Variants in PLCB2 observed in about 807,000 individuals in gnomAD.
PLCB2 encodes the protein 1-phosphatidylinositol 4,5-bisphosphate phosphodiesterase beta-2.
A neutral mutation model predicts 141.7 loss-of-function variants in PLCB2; 115 were observed. That is an observed-to-expected ratio of 0.81 (90% confidence interval 0.70 to 0.95). The LOEUF (loss-of-function observed/expected upper bound fraction) is 0.95. Among genes scored for constraint, PLCB2 ranks in the 40% least tolerant of loss-of-function variants. The pLI is 0.00. For missense variants in PLCB2, 1,403 were observed against 1,541.1 expected, an observed-to-expected ratio of 0.91 and a Z score of 1.50; for synonymous variants, 603 against 595.6, an observed-to-expected ratio of 1.01 and a Z score of -0.18.
At position 40,292,906 on chromosome 15, in the gene PLCB2, T is replaced by G; in HGVS notation, c.2326+20A>C. The G allele has an allele frequency of 6.7e-7, 1 of 1,495,702 alleles. No homozygotes were observed. Among genetic ancestry groups the G allele is most frequent in the Non-Finnish European group, 9.2e-7 (1 of 1,084,708 alleles). 92.7% of individuals were successfully genotyped at this position (1,495,702 alleles called of 1,614,324 possible). On this transcript the variant is annotated intron_variant, in intron 21 of 31. Coordinates refer to ENST00000260402, the MANE Select transcript of PLCB2 (RefSeq NM_004573.3). ...GCTCCTGCTGCTGATCTTGGAACAG[T>G]GAAGGACCCCACTCCTTACCAGAAT...
rs993739293 is a variant in PLCB2, at chr15:40,296,819, G to T, written c.1413C>A (p.Thr471=). Residue 471 remains threonine, a synonymous_variant, in exon 14 of 32, where the codon ACC becomes ACA. Coordinates refer to ENST00000260402, the MANE Select transcript of PLCB2 (RefSeq NM_004573.3). ...KNKKNQFSGP[T]SSSKDTGGEA... is the part of the protein sequence containing the mutation. The stretch of plus-strand genomic sequence containing the variant: ...CCCCACCAGTATCCTTACTGGAGGA[G>T]GTGGGGCCAGAAAACTGGTTCTTCT... 6.8e-6 allele frequency: 11 copies of T among 1,614,030 alleles called. No homozygotes were observed. The Admixed American group carries it at 1.5e-4, about 22-fold the overall frequency.
chr15:40,290,446 G>T (rs936210), intron 29 of PLCB2, 131 bp downstream of exon 29: 735,428 of 737,746 alleles, frequency 1, 366,592 homozygotes, highest in East Asian at 1. Context: ...AGGTGACAGG[G>T]GGGATCCGCT....
rs536253032 is a variant in PLCB2 at position 40,299,471 on chromosome 15, G to A, written c.583-243C>T. 2.6e-4 allele frequency among the ~76,000 whole-genome samples: 39 copies of A among 152,276 alleles called. No individual in the cohort carries two copies. The South Asian group carries it at 5.0e-3, about 19-fold the overall frequency. ...CTATTCCATTGGCTGGGGCAGGATC[G>A]GAACTAAGAATAACCAGAATGAGGT... On this transcript the variant is annotated intron_variant, in intron 7 of 31. Coordinates refer to ENST00000260402, the MANE Select transcript of PLCB2 (RefSeq NM_004573.3).
chr15:40,303,644 G>T (rs1330732968), intron 2 of PLCB2, among the ~76,000 whole-genome samples: 10 of 152,086 alleles, frequency 6.6e-5, no homozygotes, highest in Non-Finnish European at 1.5e-5. Context: ...ACCCTTCCCA[G>T]CTTCCCCTTC....
At chr15:40,305,467 G>A (rs1227947967) in intron 1 of PLCB2, among the ~76,000 whole-genome samples, 5 of 152,154 alleles carry the variant, frequency 3.3e-5, no homozygotes, top group Admixed American at 2.6e-4. Flanking sequence ...GGCAGAGCAG[G>A]GGGTGCTGGC....
At chr15:40,306,700 C>T (rs1203534310) in intron 1 of PLCB2, among the ~76,000 whole-genome samples, 3 of 152,206 alleles carry the variant, frequency 2.0e-5, no homozygotes, top group Admixed American at 6.5e-5. Flanking sequence ...CACCTCCCAT[C>T]AGGTGGACAA....
At chr15:40,291,710 C>T in intron 24 of PLCB2, 60 bp from the exon 25 acceptor site, 1 of 1,606,344 alleles carries the variant, frequency 6.2e-7, no homozygotes, top group Non-Finnish European at 8.5e-7. Context: ...CTCCGTTCGC[C>T]TCCTCCACAC....
chr15:40,289,958 AGAGAGAGAGAGTGTGT>A (rs1464457621), intron 30 of PLCB2, 51 bp downstream of exon 30: 16 of 669,466 alleles, frequency 2.4e-5, no homozygotes, highest in Admixed American at 4.3e-5. Context: ...AGAGAGAGAG[AGAGAGAGAGAGTGTGT>A]GTGTGTGTGT....
At position 40,297,448 on chromosome 15, in the gene PLCB2, C is replaced by T; in HGVS notation, c.1323+73G>A. The stretch of plus-strand genomic sequence containing the variant: ...AGCATCCTCTGGGAGTGTCTCCCTC[C>T]CTAACCTGGTTCTCACCCTGCCCCA... On this transcript the variant is annotated intron_variant, in intron 13 of 31. Transcript: ENST00000260402. The surrounding 1 kb of genome is among the most constrained non-coding windows in gnomAD (Gnocchi z 4.2). The T allele has an allele frequency of 8.7e-7, 1 of 1,150,440 alleles. No homozygotes were observed. Among genetic ancestry groups the T allele is most frequent in the Non-Finnish European group, 1.3e-6 (1 of 757,894 alleles). 71.3% of individuals were successfully genotyped at this position (1,150,440 alleles called of 1,614,324 possible). A position where few individuals can be genotyped will look rare whatever the true frequency, so the allele number is the denominator to read the frequency against.
At chr15:40,293,926 G>A (rs1186316165) in intron 19 of PLCB2, among the ~76,000 whole-genome samples, 1 of 152,212 alleles carries the variant, frequency 6.6e-6, no homozygotes, top group East Asian at 1.9e-4. Flanking sequence ...CTTCTAGCAT[G>A]AAGGGAAGAG....
chr15:40,295,679 G>A (rs145153822), intron 16 of PLCB2, among the ~76,000 whole-genome samples: 6 of 152,188 alleles, frequency 3.9e-5, no homozygotes, highest in Non-Finnish European at 8.8e-5. Flanking sequence ...GGCTGAACAC[G>A]TCTGGGGAGA....
At chr15:40,302,370 G>T in intron 4 of PLCB2, 21 bp from the exon 5 acceptor site, 2 of 1,613,388 alleles carry the variant, frequency 1.2e-6, no homozygotes, top group Non-Finnish European at 1.7e-6. Context: ...ACAGAGAGCA[G>T]CGGTCAGGCT....
intron 10 of PLCB2, 64 bp downstream of exon 10, chr15:40,298,498 C>G: frequency 1.2e-6 from 2 of 1,607,946 alleles, no homozygotes; most frequent in South Asian, 2.2e-5. Flanking sequence ...GTGGGCAACC[C>G]CTGTGGAGGA....
chr15:40,292,491 A>G (rs1262373726), intron 21 of PLCB2, 48 bp from the exon 22 acceptor site: 1 of 1,345,502 alleles, frequency 7.4e-7, no homozygotes, highest in South Asian at 1.2e-5. Context: ...CGTTCCTGCC[A>G]GCACTGTGCA....
chr15:40,293,162 C>T, intron 20 of PLCB2, 137 bp from the exon 21 acceptor site: 1 of 609,910 alleles, frequency 1.6e-6, no homozygotes, highest in South Asian at 2.0e-5. Flanking sequence ...AGACAGAGGG[C>T]ACACTCTAGG....
chr15:40,303,442 G>A (rs2040629642), intron 2 of PLCB2, 86 bp from the exon 3 acceptor site: 1 of 954,354 alleles, frequency 1.0e-6, no homozygotes, highest in African/African-American at 1.6e-5. Flanking sequence ...TAGGGAGAAG[G>A]GAGCTTCCAC....
Position 40,293,668 on chromosome 15 carries a change from C to T in PLCB2, c.2118G>A (p.Glu706=). ...TGGGGTCCCCAGGAAGGCCAAACAG[C>T]TCCACTTCTACATAGGTGCGCACGC... The part of the protein sequence containing the change: ...ERSVRTYVEV[E]LFGLPGDPKR... The change falls in exon 20 of 32, where the codon GAG becomes GAA. Residue 706 remains glutamate (E), a synonymous_variant. Transcript: ENST00000260402. 6.2e-7 allele frequency: 1 copy of T among 1,614,146 alleles called. No homozygotes were observed. Among genetic ancestry groups the T allele is most frequent in the Non-Finnish European group, 8.5e-7 (1 of 1,180,002 alleles).
Position 40,302,468 on chromosome 15 carries a change from C to G in PLCB2, c.372+1G>C, listed in dbSNP as rs771023827. 2.5e-6 allele frequency: 4 copies of G among 1,614,012 alleles called. No homozygotes were observed. In the South Asian group the frequency reaches 4.4e-5, roughly 18 times the overall value. On this transcript the variant is annotated splice_donor_variant, in intron 4 of 31. Coordinates refer to ENST00000260402, the MANE Select transcript of PLCB2 (RefSeq NM_004573.3). LOFTEE classifies it high-confidence loss of function. ...CCCAGGCCCAGTGCTCCCTGGCACA[C>G]CTTGCCCACGTTCTCCTTGTAGGAG...
intron 2 of PLCB2, 57 bp from the exon 3 acceptor site, chr15:40,303,413 C>T: frequency 2.3e-6 from 3 of 1,312,528 alleles, no homozygotes; most frequent in Non-Finnish European, 2.2e-6. Context: ...GACAAAAAGT[C>T]CAGGTCAAGA....
Sources: gnomAD v4.1 joint callset for allele counts (sites outside exome capture counted in the v4.1 genomes callset) on GRCh38, gnomAD v4.1.1 for gene constraint, Gnocchi (gnomAD v3.1) non-coding constraint, MANE v1.5 for transcripts, NCBI Gene and HGNC (gene_info 2026-07-23, HGNC 2026-07-21) for gene names.